TDRD1: variants seen among roughly 807,000 people sequenced by gnomAD.
The protein encoded by TDRD1 is tudor domain containing 1.
Under a neutral mutation model 140.6 loss-of-function variants are expected in TDRD1, and 37 were observed. The observed-to-expected ratio is 0.26, with a 90% CI of 0.20 to 0.35. The LOEUF is 0.35. Ranked by LOEUF, TDRD1 falls within the 10% of genes least tolerant of loss-of-function variation. The probability of loss-of-function intolerance (pLI) is 1.00; values close to 1 mark genes in which losing one functional copy is unlikely to be tolerated. For missense variants in TDRD1, 1,243 were observed against 1,393.0 expected (o/e 0.89, Z 1.71); for synonymous variants, 506 against 475.7 (o/e 1.06, Z -0.83).
At chr10:114,223,484 A>AT (rs1367368246) in intron 21 of TDRD1, among the ~76,000 whole-genome samples, 2 of 152,186 alleles carry the variant, frequency 1.3e-5, no homozygotes, top group Non-Finnish European at 2.9e-5. Context: ...TCACAAAGGC[A>AT]TTTTTGTGAT....
Position 114,179,430 on chromosome 10 carries a change from G to A in TDRD1, c.-7+14G>A, listed in dbSNP as rs2119852697. ...GCCTCTTTCCAGGTCAGGGTTCCCA[G>A]GCGTATAGGGGAGGGAGAGGGCCTG... On this transcript the variant is annotated intron_variant, in intron 1 of 25. Coordinates refer to ENST00000251864, the Ensembl canonical transcript of TDRD1. 6.6e-6 allele frequency: 1 copy of A among 152,534 alleles called. No individual in the cohort carries two copies. The highest frequency in any genetic ancestry group is 1.9e-4 in the East Asian group (1 of 5,160). The allele number at this position is 152,534 out of a possible 1,614,324, so 9.4% of individuals were successfully genotyped here.
intron 3 of TDRD1, among the ~76,000 whole-genome samples, chr10:114,192,089 A>G (rs1482488117): frequency 2.0e-5 from 3 of 147,138 alleles, no homozygotes; most frequent in South Asian, 2.1e-4. Context: ...AAAGTTCTTT[A>G]TATATTTCAG....
exon 13 of TDRD1, chr10:114,210,880 G>A (rs1220698941): frequency 6.2e-7 from 1 of 1,614,086 alleles, no homozygotes; most frequent in South Asian, 1.1e-5. Context: ...TGAACTTCAG[G>A]CATCCCTTAG....
intron 3 of TDRD1, among the ~76,000 whole-genome samples, chr10:114,193,574 C>T (rs905116756): frequency 3.3e-5 from 5 of 152,160 alleles, no homozygotes; most frequent in Non-Finnish European, 4.4e-5. Flanking sequence ...GGATTACAGG[C>T]GTGAGCCACC....
intron 11 of TDRD1, among the ~76,000 whole-genome samples, chr10:114,208,933 C>G (rs2035304322): frequency 2.0e-5 from 3 of 152,084 alleles, no homozygotes; most frequent in Non-Finnish European, 2.9e-5. Context: ...AGCTGCACGC[C>G]ACCATGCCCA....
At chr10:114,209,772 T>G (rs757338769) in intron 11 of TDRD1, among the ~76,000 whole-genome samples, 5 of 152,206 alleles carry the variant, frequency 3.3e-5, no homozygotes, top group Non-Finnish European at 7.4e-5. Flanking sequence ...ACCATTTCCT[T>G]TAATAAGTCT....
At chr10:114,215,402 C>T (rs923644488) in intron 16 of TDRD1, among the ~76,000 whole-genome samples, 9 of 151,982 alleles carry the variant, frequency 5.9e-5, no homozygotes, top group African/African-American at 1.9e-4. Context: ...TTCATGGAGT[C>T]CAAACCTAGG....
chr10:114,191,376 CT>C (rs1050091757), intron 3 of TDRD1, among the ~76,000 whole-genome samples: 5 of 152,204 alleles, frequency 3.3e-5, no homozygotes, highest in African/African-American at 1.2e-4. Flanking sequence ...AGCCAATCCA[CT>C]TTTCCTTCTG....
At chr10:114,212,010 T>C in exon 14 of TDRD1, 1 of 1,611,442 alleles carries the variant, frequency 6.2e-7, no homozygotes. Context: ...GAATTGCCAA[T>C]GCAAGCTATA....
chr10:114,208,019 C>T (rs549191416), intron 11 of TDRD1, among the ~76,000 whole-genome samples: 2 of 152,026 alleles, frequency 1.3e-5, no homozygotes, highest in African/African-American at 2.4e-5. Context: ...TGATGCCACA[C>T]GGAGCAGGAA....
At chr10:114,228,531 G>A (rs745589683) in intron 25 of TDRD1, 181 of 991,980 alleles carry the variant, frequency 1.8e-4, no homozygotes, top group Non-Finnish European at 2.1e-4. Context: ...CACTTTTTGC[G>A]AGGGGTATCT....
At chr10:114,177,628 A>C (rs186505087), upstream of TDRD1, among the ~76,000 whole-genome samples, 14 of 152,334 alleles carry the variant, frequency 9.2e-5, no homozygotes, top group East Asian at 2.7e-3. Flanking sequence ...TGATATCCTG[A>C]TGAGATCTTG....
chr10:114,177,161 T>C (rs34645468), upstream of TDRD1, among the ~76,000 whole-genome samples: 12,973 of 152,256 alleles, frequency 0.085, 674 homozygotes, highest in Middle Eastern at 0.15. Context: ...AAATCTCCCA[T>C]GCAGAAGAAT....
chr10:114,190,544 G>T (rs989959820), intron 2 of TDRD1, among the ~76,000 whole-genome samples: 5 of 152,226 alleles, frequency 3.3e-5, no homozygotes, highest in African/African-American at 1.2e-4. Context: ...CTGGAATGCA[G>T]TGGCGCTATC....
exon 15 of TDRD1, chr10:114,213,523 C>T: frequency 6.2e-7 from 1 of 1,613,484 alleles, no homozygotes; most frequent in Non-Finnish European, 8.5e-7. Context: ...CTCCTAGATG[C>T]AGGCTTTGCT....
At chr10:114,215,207 C>G (rs949025524) in intron 16 of TDRD1, among the ~76,000 whole-genome samples, 2 of 152,258 alleles carry the variant, frequency 1.3e-5, no homozygotes, top group South Asian at 4.2e-4. Flanking sequence ...CCTTGTTTTT[C>G]CTTGCTGCAT....
intron 14 of TDRD1, 99 bp from the exon 15 acceptor site, chr10:114,213,247 T>C: frequency 9.1e-7 from 1 of 1,093,906 alleles, no homozygotes; most frequent in Non-Finnish European, 1.3e-6. Context: ...GTTCCAGTGT[T>C]TGCCATAGGT....
At chr10:114,199,421 C>A in intron 4 of TDRD1, 104 bp downstream of exon 4, 1 of 1,397,002 alleles carries the variant, frequency 7.2e-7, no homozygotes, top group South Asian at 1.5e-5. Flanking sequence ...GAACAGTGTC[C>A]CCATGCCACA....
chr10:114,204,107 T>A (rs777275354), exon 9 of TDRD1: 1 of 1,607,114 alleles, frequency 6.2e-7, no homozygotes, highest in South Asian at 1.1e-5. Flanking sequence ...AACGTTGATG[T>A]GCAGCAAAAG....
Sources: allele counts gnomAD v4.1 joint callset (sites outside exome capture counted in the v4.1 genomes callset), GRCh38; gene constraint gnomAD v4.1.1; transcripts MANE v1.5; gene names NCBI Gene and HGNC (gene_info 2026-07-23, HGNC 2026-07-21).